The following SPATA17 variants were observed in gnomAD, a reference collection of about 807,000 sequenced individuals.
The protein encoded by SPATA17 is spermatogenesis associated 17.
Under a neutral mutation model 62.2 loss-of-function variants are expected in SPATA17, and 53 were observed. The ratio of observed to expected loss-of-function variants is 0.85; its 90% CI spans 0.68 to 1.07. The LOEUF (loss-of-function observed/expected upper bound fraction) is 1.07. Ranked by LOEUF, SPATA17 falls within the 50% of genes least tolerant of loss-of-function variation. The probability of loss-of-function intolerance (pLI) is 0.00; values close to 1 mark genes in which losing one functional copy is unlikely to be tolerated. For missense variants in SPATA17, 466 were observed against 425.5 expected (o/e 1.10, Z -0.84); for synonymous variants, 146 against 146.8 (o/e 0.99, Z 0.04).
intron 9 of SPATA17, among the ~76,000 whole-genome samples, chr1:217,822,368 TG>T (rs142492014): frequency 0.063 from 9,578 of 151,850 alleles, 395 homozygotes; most frequent in East Asian, 0.14. Flanking sequence ...CTAAAAGACA[TG>T]TTTTTTTATA....
chr1:217,697,929 T>C (rs1395901942), intron 5 of SPATA17, among the ~76,000 whole-genome samples: 3 of 152,216 alleles, frequency 2.0e-5, no homozygotes, highest in African/African-American at 7.2e-5. Context: ...TCAAGATTAA[T>C]ACCTTGCTAA....
intron 8 of SPATA17, chr1:217,784,821 T>C (rs550941220): frequency 6.6e-6 from 1 of 152,310 alleles, no homozygotes; most frequent in South Asian, 2.1e-4. Flanking sequence ...TGAGCACAGC[T>C]CTGCCTACAC....
At chr1:217,822,566 C>A (rs1674890301) in intron 9 of SPATA17, among the ~76,000 whole-genome samples, 1 of 149,914 alleles carries the variant, frequency 6.7e-6, no homozygotes, top group South Asian at 2.1e-4. Flanking sequence ...TCAAATAGTG[C>A]TCTTCTCTAA....
intron 5 of SPATA17, among the ~76,000 whole-genome samples, chr1:217,727,171 C>T (rs540566708): frequency 6.6e-6 from 1 of 151,718 alleles, no homozygotes; most frequent in African/African-American, 2.4e-5. Flanking sequence ...CGCTCGAACC[C>T]GGGAGGCGGA....
intron 6 of SPATA17, among the ~76,000 whole-genome samples, chr1:217,749,549 G>C (rs560395238): frequency 1.5e-3 from 223 of 151,992 alleles, no homozygotes; most frequent in African/African-American, 5.2e-3. Context: ...TGAAGTAGTT[G>C]ACTCTTCTTC....
intron 1 of SPATA17, among the ~76,000 whole-genome samples, chr1:217,638,314 T>C (rs1669984307): frequency 6.6e-6 from 1 of 151,738 alleles, no homozygotes; most frequent in Non-Finnish European, 1.5e-5. Context: ...ATGAAAGAAA[T>C]AAGTGTTTTA....
At position 217,751,777 on chromosome 1, in the gene SPATA17, G is replaced by T. The variant is rs545868856; in HGVS notation, c.519+9679G>T. ...ATCTAAGAAAGAGGCAACAATTTCC[G>T]AAAGAGGCAAGAATAAATAAAAATT... On this transcript the variant is annotated intron_variant, in intron 6 of 10. Coordinates refer to ENST00000366933, the MANE Select transcript of SPATA17 (RefSeq NM_138796.4). Among the ~76,000 whole-genome samples, 36 of 152,200 alleles carry T rather than the reference G, an allele frequency of 2.4e-4. 1 individual carries two copies. The highest frequency in any genetic ancestry group is 2.4e-4 in the Non-Finnish European group (16 of 68,002).
chr1:217,644,579 T>A (rs1055526503), intron 1 of SPATA17, among the ~76,000 whole-genome samples: 2 of 152,164 alleles, frequency 1.3e-5, no homozygotes, highest in African/African-American at 4.8e-5. Context: ...GCACAGTCTG[T>A]TGATGTGTAA....
intron 9 of SPATA17, among the ~76,000 whole-genome samples, chr1:217,828,911 G>A (rs186048851): frequency 6.6e-6 from 1 of 152,176 alleles, no homozygotes; most frequent in East Asian, 1.9e-4. Flanking sequence ...ACATCTCTAA[G>A]GATGGCCGTT....
At chr1:217,837,671 C>T (rs561329293) in intron 9 of SPATA17, among the ~76,000 whole-genome samples, 1 of 152,020 alleles carries the variant, frequency 6.6e-6, no homozygotes, top group Non-Finnish European at 1.5e-5. Context: ...GTGCATGGTC[C>T]TTTACCATCT....
At chr1:217,705,193 G>A (rs1424698081) in intron 5 of SPATA17, among the ~76,000 whole-genome samples, 2 of 152,046 alleles carry the variant, frequency 1.3e-5, no homozygotes, top group African/African-American at 4.8e-5. Flanking sequence ...TTGGCCACAT[G>A]AATATCTTCT....
chr1:217,689,700 T>C (rs1671302625), intron 5 of SPATA17, among the ~76,000 whole-genome samples: 1 of 152,116 alleles, frequency 6.6e-6, no homozygotes, highest in African/African-American at 2.4e-5. Flanking sequence ...TTTCAATATC[T>C]CCTGGTTCTG....
intron 1 of SPATA17, among the ~76,000 whole-genome samples, chr1:217,643,730 AT>A (rs1323331333): frequency 5.4e-5 from 8 of 149,216 alleles, no homozygotes; most frequent in African/African-American, 7.4e-5. Flanking sequence ...ATATATATAT[AT>A]ATAATTTTTT....
chr1:217,769,696 G>GT (rs1673390495), intron 6 of SPATA17, among the ~76,000 whole-genome samples: 1 of 152,166 alleles, frequency 6.6e-6, no homozygotes, highest in Non-Finnish European at 1.5e-5. Flanking sequence ...ATCAGTAATA[G>GT]TTTTTTAAAA....
At chr1:217,648,070 CA>C in intron 1 of SPATA17, among the ~76,000 whole-genome samples, 1 of 152,092 alleles carries the variant, frequency 6.6e-6, no homozygotes, top group East Asian at 1.9e-4. Context: ...AAATATACAA[CA>C]ATAAGGAATC....
chr1:217,702,887 CTT>C (rs879803658), intron 5 of SPATA17, among the ~76,000 whole-genome samples: 1 of 145,652 alleles, frequency 6.9e-6, no homozygotes. Flanking sequence ...TATTTCATTA[CTT>C]TTTTTTTTTT....
chr1:217,785,022 C>T (rs550414246), intron 8 of SPATA17: 3 of 152,298 alleles, frequency 2.0e-5, no homozygotes, highest in East Asian at 3.9e-4. Context: ...TTGGTTCCTT[C>T]TCTGTGAGAA....
chr1:217,782,381 T>A, intron 8 of SPATA17, 59 bp downstream of exon 8: 1 of 1,488,286 alleles, frequency 6.7e-7, no homozygotes, highest in Non-Finnish European at 8.9e-7. Context: ...AATTTTCTAA[T>A]TTTTTTATTT....
rs149043653 is a variant in SPATA17 at position 217,752,547 on chromosome 1, G to A, written c.519+10449G>A. On this transcript the variant is annotated intron_variant, in intron 6 of 10. Transcript: ENST00000366933. ...TATACTTTCTGAAGTGAGAAGAGGT[G>A]GATTATTTACGCTTTTGTTCTGACA... is the stretch of plus-strand genomic sequence containing the variant. 1.9e-3 allele frequency among the ~76,000 whole-genome samples: 285 copies of A among 152,016 alleles called. 1 individual carries two copies. The highest frequency in any genetic ancestry group is 3.4e-3 in the Middle Eastern group (1 of 294).
Sources: gnomAD v4.1 joint callset for allele counts (sites outside exome capture counted in the v4.1 genomes callset) on GRCh38, gnomAD v4.1.1 for gene constraint, MANE v1.5 for transcripts, NCBI Gene and HGNC (gene_info 2026-07-23, HGNC 2026-07-21) for gene names.